The following MEI1 variants were observed in gnomAD, a reference collection of about 807,000 sequenced individuals.
MEI1 encodes meiotic double-stranded break formation protein 1, also known as meiosis inhibitor protein 1.
A neutral mutation model predicts 146.2 loss-of-function variants in MEI1; 103 were observed. The observed-to-expected ratio is 0.70, with a 90% CI of 0.60 to 0.83. The LOEUF is 0.83. Among genes scored for constraint, MEI1 ranks in the 40% least tolerant of loss-of-function variants. The pLI, the probability that MEI1 is intolerant of heterozygous loss-of-function variation, is 0.00. For missense variants in MEI1, 1,529 were observed against 1,533.0 expected (o/e 1.00, Z 0.04); for synonymous variants, 652 against 628.2 (o/e 1.04, Z -0.57).
rs367695971 is a variant in MEI1 at position 41,726,449 on chromosome 22, G to A, written c.864+2376G>A. Among the ~76,000 whole-genome samples the A allele has an allele frequency of 8.6e-5, 13 of 151,832 alleles. No homozygotes were observed. The South Asian group carries it at 1.7e-3, about 19-fold the overall frequency. ...AACATATGTACTTAAACAACAACAGGGAAACTAAAAATGTGTTATCAAATC... is the reference window on the plus strand; with the variant it reads ...AACATATGTACTTAAACAACAACAGAGAAACTAAAAATGTGTTATCAAATC... On this transcript the variant is annotated intron_variant, in intron 7 of 30. Coordinates refer to ENST00000401548, the MANE Select transcript of MEI1 (RefSeq NM_152513.4).
intron 9 of MEI1, among the ~76,000 whole-genome samples, chr22:41,731,330 G>C (rs2071843479): frequency 6.6e-6 from 1 of 151,816 alleles, no homozygotes. Context: ...TGGATTACAG[G>C]CATGAGCCAC....
chr22:41,778,265 T>C (rs2075570678), intron 21 of MEI1, among the ~76,000 whole-genome samples: 1 of 151,778 alleles, frequency 6.6e-6, no homozygotes, highest in South Asian at 2.1e-4. Flanking sequence ...CATGATTCAG[T>C]CATCTACCAA....
chr22:41,699,652 C>G lies in MEI1; in HGVS notation c.114C>G (p.Pro38=), dbSNP rs369144000. ...HYRHDPRWLL[P]VTPRLCLACA... Reference sequence around the variant, plus strand: ...GGCACGACCCGCGCTGGCTGCTGCCCGTGACCCCCCGCCTGTGCCTGGCCT... The same window carrying G: ...GGCACGACCCGCGCTGGCTGCTGCCGGTGACCCCCCGCCTGTGCCTGGCCT... The change falls in exon 1 of 31, where the codon CCC becomes CCG. Residue 38 remains proline, a synonymous_variant. Coordinates refer to ENST00000401548, the MANE Select transcript of MEI1 (RefSeq NM_152513.4). 70 of 1,590,242 alleles carry G rather than the reference C, an allele frequency of 4.4e-5. No homozygotes were observed. The highest frequency in any genetic ancestry group is 6.0e-5 in the Non-Finnish European group (70 of 1,168,300).
At chr22:41,732,702 T>C (rs999777955) in intron 11 of MEI1, 99 bp downstream of exon 11, 7 of 1,284,100 alleles carry the variant, frequency 5.5e-6, no homozygotes, top group Admixed American at 2.5e-5. Flanking sequence ...AGATTACTTA[T>C]AATACCTAAT....
At chr22:41,775,351 T>G (rs896127829) in intron 20 of MEI1, among the ~76,000 whole-genome samples, 4 of 152,134 alleles carry the variant, frequency 2.6e-5, no homozygotes, top group African/African-American at 9.7e-5. Context: ...ACATCATTTC[T>G]CTTTCCTTCT....
At chr22:41,745,688 G>T (rs1386174765) in intron 13 of MEI1, among the ~76,000 whole-genome samples, 197 bp from the exon 14 acceptor site, 1 of 152,080 alleles carries the variant, frequency 6.6e-6, no homozygotes, top group Non-Finnish European at 1.5e-5. Context: ...GAGGGGGTAG[G>T]GAGCAAGAAT....
chr22:41,784,988 G>C (rs991743761), intron 26 of MEI1, among the ~76,000 whole-genome samples: 13 of 151,730 alleles, frequency 8.6e-5, no homozygotes, highest in Admixed American at 2.0e-4. Flanking sequence ...CCAGGCTGGA[G>C]TGCAGTGGCG....
Position 41,730,562 on chromosome 22 carries a change from G to A in MEI1, c.1021G>A (p.Val341Ile), listed in dbSNP as rs748412324. ...EHLSSSSEVLVWSSCNCLTLL... is the reference protein window; with the variant it reads ...EHLSSSSEVLIWSSCNCLTLL... ...TCTTTCTTCTTCCAGTGAAGTGCTCGTCTGGTCCAGCTGTAACTGCTTGAC... is the reference window on the plus strand; with the variant it reads ...TCTTTCTTCTTCCAGTGAAGTGCTCATCTGGTCCAGCTGTAACTGCTTGAC... Residue 341 changes from valine (V) to isoleucine (I), a missense_variant, in exon 9 of 31, where the codon GTC becomes ATC. Physicochemically the swap from Val to Ile is conservative, Grantham distance 29. Around this residue, in one of 3 missense-constraint regions of MEI1, gnomAD observed 1,212 missense variants for 1,178.9 expected, o/e 1.03. Coordinates refer to ENST00000401548, the MANE Select transcript of MEI1 (RefSeq NM_152513.4). 15 of 1,613,752 alleles carry A rather than the reference G, an allele frequency of 9.3e-6. No homozygotes were observed. Among genetic ancestry groups the A allele is most frequent in the African/African-American group, 1.3e-5 (1 of 74,978 alleles).
intron 8 of MEI1, among the ~76,000 whole-genome samples, chr22:41,730,286 G>A (rs1441486457): frequency 6.6e-6 from 1 of 152,268 alleles, no homozygotes; most frequent in East Asian, 1.9e-4. Flanking sequence ...GCCACTAATA[G>A]TGCCTCTTCT....
chr22:41,699,877 G>A (rs2147169535), intron 1 of MEI1, among the ~76,000 whole-genome samples, 165 bp downstream of exon 1: 1 of 152,298 alleles, frequency 6.6e-6, no homozygotes, highest in East Asian at 1.9e-4. Flanking sequence ...CGGCCGCAGC[G>A]GCCTCTCGGG....
Position 41,795,389 on chromosome 22 carries a change from G to T in MEI1, c.3535-22G>T, listed in dbSNP as rs761508633. 22 of 1,612,544 alleles carry T rather than the reference G, an allele frequency of 1.4e-5. No individual in the cohort carries two copies. The highest frequency in any genetic ancestry group is 1.7e-5 in the Non-Finnish European group (20 of 1,179,152). On this transcript the variant is annotated intron_variant, in intron 28 of 30. Coordinates refer to ENST00000401548, the MANE Select transcript of MEI1 (RefSeq NM_152513.4). This position sits in a 1 kb window ranked among gnomAD's most constrained non-coding sequence, Gnocchi z 4.2. ...GAGATGCCAAATCACTGGGTGTTTGGGGGTTTCTCTTCCTGGGCCAGTTTA... is the reference window on the plus strand; with the variant it reads ...GAGATGCCAAATCACTGGGTGTTTGTGGGTTTCTCTTCCTGGGCCAGTTTA...
At chr22:41,787,268 G>A (rs1191538547) in intron 26 of MEI1, among the ~76,000 whole-genome samples, 1 of 152,082 alleles carries the variant, frequency 6.6e-6, no homozygotes, top group Non-Finnish European at 1.5e-5. Context: ...ATATTGGCTG[G>A]GACTCTGGAA....
chr22:41,758,643 C>G, intron 18 of MEI1, 110 bp downstream of exon 18: 1 of 1,128,016 alleles, frequency 8.9e-7, no homozygotes, highest in African/African-American at 1.6e-5. Context: ...ACTGGGGACA[C>G]GGGGATAAGT....
At chr22:41,729,181 AAAGGTACCAGGCAT>A (rs2071635137) in intron 7 of MEI1, among the ~76,000 whole-genome samples, 1 of 151,064 alleles carries the variant, frequency 6.6e-6, no homozygotes, top group Non-Finnish European at 1.5e-5. Flanking sequence ...AAAAAAAAAA[AAAGGTACCAGGCAT>A]GGTAGCATGT....
chr22:41,717,813 G>A (rs1385351332), intron 5 of MEI1, among the ~76,000 whole-genome samples: 3 of 151,634 alleles, frequency 2.0e-5, no homozygotes, highest in African/African-American at 7.3e-5. Context: ...GCTGGGTCTC[G>A]TCTTGTTGGC....
chr22:41,735,456 A>G (rs2072273086), intron 11 of MEI1, among the ~76,000 whole-genome samples: 1 of 152,084 alleles, frequency 6.6e-6, no homozygotes, highest in Admixed American at 6.6e-5. Context: ...CTGGTCTCGA[A>G]CTGCCGACCT....
chr22:41,726,778 C>A (rs144491219), intron 7 of MEI1, among the ~76,000 whole-genome samples: 1 of 144,334 alleles, frequency 6.9e-6, no homozygotes, highest in Non-Finnish European at 1.5e-5. Flanking sequence ...AGATTAATTT[C>A]TTTTTTTTTT....
At chr22:41,714,254 C>G (rs1253840922) in intron 4 of MEI1, among the ~76,000 whole-genome samples, 179 bp downstream of exon 4, 2 of 152,162 alleles carry the variant, frequency 1.3e-5, no homozygotes, top group African/African-American at 4.8e-5. Context: ...CTCCAGTGTT[C>G]TTTACAGCTT....
intron 7 of MEI1, among the ~76,000 whole-genome samples, chr22:41,728,311 C>G (rs6002453): frequency 0.11 from 16,986 of 152,222 alleles, 2,804 homozygotes; most frequent in African/African-American, 0.36. Flanking sequence ...CAAGAGCCAG[C>G]CTTGCAGAGA....
Sources: allele counts gnomAD v4.1 joint callset (sites outside exome capture counted in the v4.1 genomes callset), GRCh38; gene constraint gnomAD v4.1.1; regional missense constraint gnomAD v4.1.1; non-coding constraint Gnocchi (gnomAD v3.1); transcripts MANE v1.5; gene names NCBI Gene and HGNC (gene_info 2026-07-23, HGNC 2026-07-21).